Variants in PLA2R1 observed in about 807,000 individuals in gnomAD.
PLA2R1 encodes phospholipase A2 receptor 1, also known as secretory phospholipase A2 receptor.
PLA2R1 carries 158 observed loss-of-function variants against 195.9 expected under a neutral mutation model. The ratio of observed to expected loss-of-function variants is 0.81; its 90% CI spans 0.71 to 0.92. The LOEUF is 0.92. PLA2R1 is among the 40% of genes least tolerant of loss of function. The pLI is 0.00. For synonymous variants in PLA2R1, 586 were observed against 598.2 expected, an observed-to-expected ratio of 0.98 and a Z score of 0.30; for missense variants, 1,626 against 1,764.6, an observed-to-expected ratio of 0.92 and a Z score of 1.41.
At chr2:159,928,983 C>T (rs901097480), downstream of PLA2R1, among the ~76,000 whole-genome samples, 10 of 152,186 alleles carry the variant, frequency 6.6e-5, no homozygotes, top group Non-Finnish European at 1.2e-4. Context: ...TCATCTCTCA[C>T]CTTATACAAA....
intron 28 of PLA2R1, among the ~76,000 whole-genome samples, chr2:159,942,783 T>C (rs1687157928): frequency 6.6e-6 from 1 of 152,184 alleles, no homozygotes; most frequent in East Asian, 1.9e-4. Flanking sequence ...ATGTGAACTC[T>C]TCTATTTTTG....
intron 3 of PLA2R1, among the ~76,000 whole-genome samples, chr2:160,035,335 G>A (rs1270249760): frequency 3.9e-5 from 6 of 152,188 alleles, no homozygotes; most frequent in African/African-American, 1.4e-4. Context: ...TCTAAGGACT[G>A]CTTTGGCAGA....
chr2:160,045,466 C>T (rs1286108033), intron 1 of PLA2R1, among the ~76,000 whole-genome samples: 2 of 152,182 alleles, frequency 1.3e-5, no homozygotes, highest in Non-Finnish European at 2.9e-5. Context: ...GGTGTGCTCA[C>T]ACAATTGGTT....
chr2:159,946,072 G>A (rs1364359461), intron 27 of PLA2R1: 1 of 960,876 alleles, frequency 1.0e-6, no homozygotes, highest in Non-Finnish European at 1.2e-6. Context: ...CATGTACCAA[G>A]GGGGTAGGGG....
chr2:159,975,840 G>T (rs1357595959), intron 17 of PLA2R1, among the ~76,000 whole-genome samples: 1 of 152,054 alleles, frequency 6.6e-6, no homozygotes, highest in Non-Finnish European at 1.5e-5. Flanking sequence ...ATGAAGAGAA[G>T]GGAAATGACT....
intron 3 of PLA2R1, among the ~76,000 whole-genome samples, chr2:160,040,023 T>C (rs1347757190): frequency 6.6e-6 from 1 of 152,048 alleles, no homozygotes; most frequent in Non-Finnish European, 1.5e-5. Flanking sequence ...GTTCATTTAT[T>C]TGGTTTTAAT....
intron 9 of PLA2R1, among the ~76,000 whole-genome samples, chr2:160,013,721 CTGTGTGTG>C (rs71000325): frequency 2.6e-5 from 3 of 116,584 alleles, no homozygotes; most frequent in Non-Finnish European, 1.8e-5. Context: ...CTCTCTCTCT[CTGTGTGTG>C]TGTGTGTGTG....
At chr2:159,993,861 A>C (rs1247507476) in intron 11 of PLA2R1, among the ~76,000 whole-genome samples, 1 of 152,116 alleles carries the variant, frequency 6.6e-6, no homozygotes, top group Non-Finnish European at 1.5e-5. Flanking sequence ...GTCACAGATG[A>C]AGGATGCTAA....
At chr2:160,054,861 TA>T (rs146085747) in intron 1 of PLA2R1, among the ~76,000 whole-genome samples, 4 of 151,392 alleles carry the variant, frequency 2.6e-5, no homozygotes, top group African/African-American at 4.8e-5. Flanking sequence ...GGATAATTTC[TA>T]AAAAAAAATG....
At chr2:160,007,668 G>GA (rs1444762404) in intron 10 of PLA2R1, among the ~76,000 whole-genome samples, 2 of 152,074 alleles carry the variant, frequency 1.3e-5, no homozygotes, top group Admixed American at 6.5e-5. Context: ...CTTGTATACT[G>GA]AAAACTTGTA....
chr2:159,929,004 A>G (rs974265421), downstream of PLA2R1, among the ~76,000 whole-genome samples: 1 of 152,236 alleles, frequency 6.6e-6, no homozygotes, highest in African/African-American at 2.4e-5. Flanking sequence ...AATCAACTCA[A>G]GATGAATCAA....
intron 11 of PLA2R1, among the ~76,000 whole-genome samples, chr2:160,000,767 C>T (rs1691535791): frequency 6.6e-6 from 1 of 152,002 alleles, no homozygotes; most frequent in Admixed American, 6.6e-5. Flanking sequence ...AATATAGTAT[C>T]TAACACTGAA....
intron 10 of PLA2R1, among the ~76,000 whole-genome samples, chr2:160,011,068 C>A (rs1419379549): frequency 1.3e-5 from 2 of 152,190 alleles, no homozygotes; most frequent in African/African-American, 2.4e-5. Flanking sequence ...GGCATGAGCG[C>A]TGGCTACTGA....
intron 11 of PLA2R1, among the ~76,000 whole-genome samples, chr2:159,987,894 C>T (rs1690464968): frequency 6.6e-6 from 1 of 152,012 alleles, no homozygotes; most frequent in South Asian, 2.1e-4. Context: ...AGGGACAAGG[C>T]AGACATCAGG....
At chr2:160,011,029 T>C (rs1042928186) in intron 10 of PLA2R1, among the ~76,000 whole-genome samples, 46 of 152,200 alleles carry the variant, frequency 3.0e-4, no homozygotes, top group Admixed American at 2.7e-3. Context: ...AACTTCTCTA[T>C]GCCATAGTTC....
At chr2:160,052,932 A>AAAAC (rs558880246) in intron 1 of PLA2R1, among the ~76,000 whole-genome samples, 16 of 148,068 alleles carry the variant, frequency 1.1e-4, no homozygotes, top group East Asian at 2.1e-4. Flanking sequence ...AACAAACAAA[A>AAAAC]AAACAAACAA....
chr2:159,946,719 T>C, intron 27 of PLA2R1, 82 bp downstream of exon 27: 4 of 1,461,892 alleles, frequency 2.7e-6, no homozygotes, highest in Non-Finnish European at 2.7e-6. Flanking sequence ...CAAGGAGAGT[T>C]TTCTGGCTCA....
chr2:160,024,998 G>T (rs1164650749), intron 6 of PLA2R1, among the ~76,000 whole-genome samples: 1 of 152,168 alleles, frequency 6.6e-6, no homozygotes, highest in East Asian at 1.9e-4. Flanking sequence ...ACTGCCTGGT[G>T]CTTCATCCCC....
chr2:160,038,623 T>C (rs925509024), intron 3 of PLA2R1, among the ~76,000 whole-genome samples: 3 of 152,188 alleles, frequency 2.0e-5, no homozygotes, highest in Non-Finnish European at 2.9e-5. Context: ...CCAAACTGTC[T>C]GTCTGATGGA....
Sources: gnomAD v4.1 joint callset for allele counts (sites outside exome capture counted in the v4.1 genomes callset) on GRCh38, gnomAD v4.1.1 for gene constraint, MANE v1.5 for transcripts, NCBI Gene and HGNC (gene_info 2026-07-23, HGNC 2026-07-21) for gene names.